The following PARD3B variants were observed in gnomAD, a reference collection of about 807,000 sequenced individuals.
The protein encoded by PARD3B is par-3 family cell polarity regulator beta.
Under a neutral mutation model 130.2 loss-of-function variants are expected in PARD3B, and 103 were observed. That is an observed-to-expected ratio of 0.79 (90% CI 0.67 to 0.93). The LOEUF (loss-of-function observed/expected upper bound fraction) is 0.93, where lower values mean the gene tolerates loss of function less well. Ranked by LOEUF, PARD3B falls within the 40% of genes least tolerant of loss-of-function variation. The pLI, the probability that PARD3B is intolerant of heterozygous loss-of-function variation, is 0.00. For missense variants in PARD3B, 1,609 were observed against 1,499.2 expected, an observed-to-expected ratio of 1.07 and a Z score of -1.21; for synonymous variants, 583 against 553.2, an observed-to-expected ratio of 1.05 and a Z score of -0.76.
chr2:205,455,467 G>A (rs1246438131), intron 20 of PARD3B, among the ~76,000 whole-genome samples: 1 of 149,594 alleles, frequency 6.7e-6, no homozygotes. Flanking sequence ...CATTAAGATT[G>A]CGATTCATTC....
chr2:205,167,369 T>C (rs1174104311), intron 11 of PARD3B, among the ~76,000 whole-genome samples: 1 of 150,202 alleles, frequency 6.7e-6, no homozygotes. Context: ...GGTGTAAATA[T>C]TTTTTTTTTC....
rs77015672 is a variant in PARD3B, at chr2:205,263,683, A to G, written c.2185+17861A>G. ...GTTAAGCAGAACTTTTTAGAGCACT[A>G]AAACCAGGAAGTACAAAAAAATCAA... is the stretch of plus-strand genomic sequence containing the variant. On this transcript the variant is annotated intron_variant, in intron 16 of 22. Transcript: ENST00000406610. This position sits in a 1 kb window ranked among gnomAD's most constrained non-coding sequence, Gnocchi z 4.0. 2.0e-3 allele frequency among the ~76,000 whole-genome samples: 301 copies of G among 151,262 alleles called. 9 individuals carry two copies. The highest frequency in any genetic ancestry group is 6.9e-4 in the Non-Finnish European group (47 of 67,638).
chr2:204,864,869 A>T (rs780006585), intron 2 of PARD3B, among the ~76,000 whole-genome samples: 3 of 152,164 alleles, frequency 2.0e-5, no homozygotes, highest in Non-Finnish European at 4.4e-5. Context: ...CACTCTTCTG[A>T]TGTGACAATA....
chr2:205,534,849 G>A (rs941270916), intron 21 of PARD3B, among the ~76,000 whole-genome samples: 1 of 152,130 alleles, frequency 6.6e-6, no homozygotes, highest in Admixed American at 6.6e-5. Flanking sequence ...GCTTAGAAAA[G>A]AGTAAAAACG....
At chr2:204,786,446 GA>G in intron 2 of PARD3B, among the ~76,000 whole-genome samples, 1 of 151,996 alleles carries the variant, frequency 6.6e-6, no homozygotes, top group Non-Finnish European at 1.5e-5. Flanking sequence ...TTGGTCCTAT[GA>G]ATTACTGCAG....
intron 21 of PARD3B, among the ~76,000 whole-genome samples, chr2:205,546,421 A>T (rs545330086): frequency 3.9e-5 from 6 of 152,164 alleles, no homozygotes; most frequent in African/African-American, 1.4e-4. Context: ...GAAAAAAAAA[A>T]CCTGCATGAT....
intron 18 of PARD3B, among the ~76,000 whole-genome samples, chr2:205,387,505 G>C (rs1240330929): frequency 6.6e-6 from 1 of 152,104 alleles, no homozygotes; most frequent in Non-Finnish European, 1.5e-5. Flanking sequence ...GGATTGACTG[G>C]ATTAGTGAGC....
intron 21 of PARD3B, among the ~76,000 whole-genome samples, chr2:205,548,583 G>A (rs533705748): frequency 6.6e-6 from 1 of 151,950 alleles, no homozygotes; most frequent in Non-Finnish European, 1.5e-5. Context: ...AAAACCCTCA[G>A]GTTTATGCTC....
rs375371393 is a variant in PARD3B, at chr2:205,276,588, T to G, written c.2186-23942T>G. On this transcript the variant is annotated intron_variant, in intron 16 of 22. Transcript: ENST00000406610. This position sits in a 1 kb window ranked among gnomAD's most constrained non-coding sequence, Gnocchi z 5.0. Reference sequence around the variant, plus strand: ...CCCACCATCTCACAAATGGCCCTTCTCGGCAACGTTGGGGGATATTTATTC... The same window carrying G: ...CCCACCATCTCACAAATGGCCCTTCGCGGCAACGTTGGGGGATATTTATTC... Among the ~76,000 whole-genome samples, 12 of 152,152 alleles carry G rather than the reference T, an allele frequency of 7.9e-5. No homozygotes were observed. Among genetic ancestry groups the G allele is most frequent in the African/African-American group, 2.9e-4 (12 of 41,430 alleles).
chr2:204,880,454 G>A (rs1002429318), intron 2 of PARD3B, among the ~76,000 whole-genome samples: 1 of 152,036 alleles, frequency 6.6e-6, no homozygotes, highest in African/African-American at 2.4e-5. Flanking sequence ...GAGGTCAGGA[G>A]ATCGAGACCA....
At chr2:205,445,886 C>A (rs1284168873) in intron 20 of PARD3B, among the ~76,000 whole-genome samples, 3 of 152,112 alleles carry the variant, frequency 2.0e-5, no homozygotes, top group African/African-American at 7.2e-5. Flanking sequence ...TCAACAAATA[C>A]TTATTGAGTA....
At chr2:205,245,853 C>T in intron 16 of PARD3B, 31 bp downstream of exon 16, 1 of 1,540,738 alleles carries the variant, frequency 6.5e-7, no homozygotes, top group African/African-American at 1.4e-5. Context: ...GACTATATTC[C>T]TCTTCCTGGA....
rs2036163095 is a variant in PARD3B, at chr2:205,187,414, T to A, written c.2024+1551T>A. Among the ~76,000 whole-genome samples the A allele has an allele frequency of 6.6e-6, 1 of 152,148 alleles. No homozygotes were observed. Among genetic ancestry groups the A allele is most frequent in the South Asian group, 2.1e-4 (1 of 4,828 alleles). On this transcript the variant is annotated intron_variant, in intron 14 of 22. Coordinates refer to ENST00000406610, the MANE Select transcript of PARD3B (RefSeq NM_001302769.2). The surrounding 1 kb of genome is among the most constrained non-coding windows in gnomAD (Gnocchi z 4.9). ...GGGTTTTCGCAGGTAATACACAGAA[T>A]GAAACCTGGGTTTTTTGTGTGTGTA...
chr2:205,225,843 C>A (rs780662525), intron 15 of PARD3B, among the ~76,000 whole-genome samples: 6 of 152,222 alleles, frequency 3.9e-5, no homozygotes, highest in African/African-American at 7.2e-5. Flanking sequence ...CCACCAGGTC[C>A]TTTCCCCAAC....
chr2:205,337,189 C>A (rs993637726), intron 18 of PARD3B, among the ~76,000 whole-genome samples: 1 of 152,158 alleles, frequency 6.6e-6, no homozygotes, highest in African/African-American at 2.4e-5. Context: ...CAACACCTTT[C>A]AGCAACACAG....
intron 1 of PARD3B, among the ~76,000 whole-genome samples, chr2:204,648,421 A>G (rs2035346880): frequency 6.7e-6 from 1 of 150,058 alleles, no homozygotes; most frequent in African/African-American, 2.4e-5. Flanking sequence ...TTTTGCCGGT[A>G]TGAATAAAGG....
Position 205,292,881 on chromosome 2 carries a change from A to G in PARD3B, c.2186-7649A>G, listed in dbSNP as rs12622352. On this transcript the variant is annotated intron_variant, in intron 16 of 22. Transcript: ENST00000406610. This position sits in a 1 kb window ranked among gnomAD's most constrained non-coding sequence, Gnocchi z 5.3. ...AGGACCAAGCACAGTTATGAGCCAC[A>G]AAAAATACCCAGTAAATAATTGTCA... Among the ~76,000 whole-genome samples the G allele has an allele frequency of 1.3e-5, 2 of 152,196 alleles. No homozygotes were observed. Among genetic ancestry groups the G allele is most frequent in the South Asian group, 4.1e-4 (2 of 4,828 alleles).
chr2:204,968,738 T>C lies in PARD3B; in HGVS notation c.394+3415T>C, dbSNP rs1575442625. ...TGTCCAAATCTTTAAAACAGTACAG[T>C]AGGCTTACAGTAAGTATTATTTCTT... On this transcript the variant is annotated intron_variant, in intron 3 of 22. Coordinates refer to ENST00000406610, the MANE Select transcript of PARD3B (RefSeq NM_001302769.2). Among the ~76,000 whole-genome samples the C allele has an allele frequency of 2.0e-5, 3 of 152,324 alleles. No individual in the cohort carries two copies. In the East Asian group the frequency reaches 5.8e-4, roughly 29 times the overall value.
intron 21 of PARD3B, among the ~76,000 whole-genome samples, chr2:205,552,409 T>C (rs550672827): frequency 6.6e-6 from 1 of 152,162 alleles, no homozygotes; most frequent in East Asian, 1.9e-4. Context: ...TTTATTTGTT[T>C]ATTTATTTAT....
Sources: gnomAD v4.1 joint callset for allele counts (sites outside exome capture counted in the v4.1 genomes callset) on GRCh38, gnomAD v4.1.1 for gene constraint, Gnocchi (gnomAD v3.1) non-coding constraint, MANE v1.5 for transcripts, NCBI Gene and HGNC (gene_info 2026-07-23, HGNC 2026-07-21) for gene names.